Variants in RASEF observed in about 807,000 individuals in gnomAD.
RASEF encodes the protein ras and EF-hand domain-containing protein.
Under a neutral mutation model 90.1 loss-of-function variants are expected in RASEF, and 68 were observed. The observed-to-expected ratio is 0.75, with a 90% confidence interval of 0.62 to 0.92. RASEF has a LOEUF of 0.92. Ranked by LOEUF, RASEF falls within the 40% of genes least tolerant of loss-of-function variation. The pLI is 0.00. For synonymous variants in RASEF, 331 were observed against 345.2 expected (o/e 0.96, Z 0.46); for missense variants, 949 against 937.2 (o/e 1.01, Z -0.16).
chr9:83,111,691 T>G, the RASEF span, among the ~76,000 whole-genome samples: 8 of 152,062 alleles, frequency 5.3e-5, no homozygotes, highest in Non-Finnish European at 1.2e-4. Flanking sequence ...TTTTTTTTTG[T>G]GCATTTCTGG....
At chr9:83,081,362 C>A in the RASEF span, among the ~76,000 whole-genome samples, 94 of 152,218 alleles carry the variant, frequency 6.2e-4, no homozygotes, top group Admixed American at 1.6e-3. Context: ...GCCTCTCATT[C>A]TTGATAGTCT....
At chr9:83,176,860 C>T in the RASEF span, among the ~76,000 whole-genome samples, 6 of 151,990 alleles carry the variant, frequency 3.9e-5, no homozygotes, top group Admixed American at 2.0e-4. Context: ...ATATTTATTA[C>T]TTTATATACT....
chr9:83,012,713 G>C (rs1389387924), intron 4 of RASEF, among the ~76,000 whole-genome samples: 3 of 152,180 alleles, frequency 2.0e-5, no homozygotes, highest in Non-Finnish European at 4.4e-5. Context: ...TTTGAAAAAG[G>C]GGTTTTGTTG....
At chr9:83,119,096 C>G in the RASEF span, among the ~76,000 whole-genome samples, 1 of 148,562 alleles carries the variant, frequency 6.7e-6, no homozygotes, top group African/African-American at 2.5e-5. Context: ...CAATCTCCAC[C>G]TCCCAGGTTC....
At chr9:83,143,518 A>T in the RASEF span, among the ~76,000 whole-genome samples, 1 of 152,208 alleles carries the variant, frequency 6.6e-6, no homozygotes, top group Non-Finnish European at 1.5e-5. Flanking sequence ...TTAAGACCAC[A>T]ATTTAATAAT....
chr9:83,055,703 C>T (rs1830090362), intron 1 of RASEF: 1 of 716,704 alleles, frequency 1.4e-6, no homozygotes, highest in African/African-American at 1.7e-5. Context: ...AAAAGTCATC[C>T]AAATCTGTAA....
At chr9:83,150,375 A>G in the RASEF span, among the ~76,000 whole-genome samples, 1 of 151,966 alleles carries the variant, frequency 6.6e-6, no homozygotes, top group Admixed American at 6.6e-5. Flanking sequence ...TCTGACAACC[A>G]CCCCCATAAT....
intron 1 of RASEF, chr9:83,048,867 G>C (rs1034573413): frequency 1.5e-6 from 1 of 653,858 alleles, no homozygotes; most frequent in African/African-American, 2.0e-5. Flanking sequence ...AGTGGCTCAC[G>C]CCTGTCATCC....
the RASEF span, among the ~76,000 whole-genome samples, chr9:83,089,678 G>GT: frequency 6.6e-6 from 1 of 152,218 alleles, no homozygotes; most frequent in South Asian, 2.1e-4. Context: ...GTGATTTGTT[G>GT]TTTGTCTTGT....
the RASEF span, among the ~76,000 whole-genome samples, chr9:83,166,306 T>C: frequency 6.6e-6 from 1 of 152,168 alleles, no homozygotes; most frequent in Non-Finnish European, 1.5e-5. Context: ...TAAAAAATTA[T>C]ACACTACAAC....
At chr9:83,057,816 CATATTCATATATACAT>C (rs1306470689) in intron 1 of RASEF, among the ~76,000 whole-genome samples, 6 of 143,402 alleles carry the variant, frequency 4.2e-5, no homozygotes, top group Non-Finnish European at 7.5e-5. Flanking sequence ...TCCATATATA[CATATTCATATATACAT>C]ATATTCATAT....
chr9:83,055,507 G>A (rs2117885319), intron 1 of RASEF: 1 of 694,290 alleles, frequency 1.4e-6, no homozygotes, highest in South Asian at 1.5e-5. Context: ...CCCGTCTTCT[G>A]CGTCGCTCAC....
At chr9:83,018,650 A>G (rs1236937040) in intron 3 of RASEF, among the ~76,000 whole-genome samples, 4 of 149,838 alleles carry the variant, frequency 2.7e-5, no homozygotes, top group Non-Finnish European at 4.4e-5. Flanking sequence ...AAAAAGCACA[A>G]AGTTGAAGAA....
the RASEF span, among the ~76,000 whole-genome samples, chr9:83,088,038 C>T: frequency 6.6e-6 from 1 of 152,176 alleles, no homozygotes; most frequent in East Asian, 1.9e-4. Flanking sequence ...TTAATTTCCA[C>T]ATATTTGTGA....
the RASEF span, among the ~76,000 whole-genome samples, chr9:83,206,617 A>G: frequency 3.3e-5 from 5 of 152,346 alleles, no homozygotes; most frequent in Middle Eastern, 0.014. Context: ...AGTATACGCT[A>G]TATGCTGATA....
At position 83,062,658 on chromosome 9, in the gene RASEF, G is replaced by A. The variant is rs1023796714; in HGVS notation, c.210C>T (p.Gly70=). ...GAITFQEFAR[G]FLGSLRGGRR... ...GCCCCCCGCGGAGGGACCCGAGGAA[G>A]CCACGCGCGAACTCCTGGAAGGTGA... The change falls in exon 1 of 17, where the codon GGC becomes GGT. Residue 70 remains glycine (G), a synonymous_variant. Transcript: ENST00000376447. The A allele has an allele frequency of 2.4e-5, 38 of 1,568,254 alleles. No homozygotes were observed. The highest frequency in any genetic ancestry group is 7.2e-5 in the Admixed American group (4 of 55,634).
At chr9:83,157,283 C>T in the RASEF span, among the ~76,000 whole-genome samples, 1 of 152,206 alleles carries the variant, frequency 6.6e-6, no homozygotes, top group Non-Finnish European at 1.5e-5. Context: ...ATTCTTGTGA[C>T]AGAGTACTAT....
intron 10 of RASEF, 21 bp downstream of exon 10, chr9:83,000,875 G>T: frequency 6.3e-7 from 1 of 1,577,784 alleles, no homozygotes. Flanking sequence ...GCCTAGGAGA[G>T]CAGTGGTTTC....
chr9:83,017,252 G>A (rs1046802899), intron 3 of RASEF, among the ~76,000 whole-genome samples: 5 of 151,702 alleles, frequency 3.3e-5, no homozygotes, highest in Admixed American at 2.6e-4. Context: ...CTGGGAGGCC[G>A]AGGCGGGTGG....
Sources: gnomAD v4.1 joint callset for allele counts (sites outside exome capture counted in the v4.1 genomes callset) on GRCh38, gnomAD v4.1.1 for gene constraint, MANE v1.5 for transcripts, NCBI Gene and HGNC (gene_info 2026-07-23, HGNC 2026-07-21) for gene names.